JAKMIP3: variants seen among roughly 807,000 people sequenced by gnomAD.
The protein encoded by JAKMIP3 is Janus kinase and microtubule interacting protein 3.
JAKMIP3 carries 58 observed loss-of-function variants against 118.5 expected under a neutral mutation model. The ratio of observed to expected loss-of-function variants is 0.49; its 90% CI spans 0.40 to 0.61. JAKMIP3 has a LOEUF of 0.61. JAKMIP3 is among the 20% of genes least tolerant of loss of function. The probability of loss-of-function intolerance (pLI) is 0.00; values close to 1 mark genes in which losing one functional copy is unlikely to be tolerated. For missense variants in JAKMIP3, 950 were observed against 1,109.0 expected (o/e 0.86, Z 2.04); for synonymous variants, 486 against 451.2 (o/e 1.08, Z -0.98).
chr10:132,153,130 T>A, intron 17 of JAKMIP3, 107 bp downstream of exon 17: 1 of 881,666 alleles, frequency 1.1e-6, no homozygotes, highest in Non-Finnish European at 1.8e-6. Context: ...CAGGGCCGGG[T>A]TTGGGGGGTC....
At chr10:132,152,819 C>A in intron 16 of JAKMIP3, 139 bp from the exon 17 acceptor site, 1 of 637,216 alleles carries the variant, frequency 1.6e-6, no homozygotes, top group Admixed American at 2.3e-5. Flanking sequence ...AGATGTCAGT[C>A]AAAGCACTTT....
chr10:132,172,820 A>G lies in JAKMIP3; in HGVS notation c.*1103+3787A>G, dbSNP rs540453086. On this transcript the variant is annotated intron_variant, in intron 23 of 23. Transcript: ENST00000684848. ...AGTGTGCAGAAACCAAGGTCTCTGGACCTGGGTGTGCTTGTTGCTACTGGG... is the reference window on the plus strand; with the variant it reads ...AGTGTGCAGAAACCAAGGTCTCTGGGCCTGGGTGTGCTTGTTGCTACTGGG... 2.0e-5 allele frequency among the ~76,000 whole-genome samples: 3 copies of G among 151,754 alleles called. No homozygotes were observed. The South Asian group carries it at 6.2e-4, about 32-fold the overall frequency.
At chr10:132,139,483 TGTGAGA>T (rs1161343215) in intron 9 of JAKMIP3, among the ~76,000 whole-genome samples, 4 of 143,444 alleles carry the variant, frequency 2.8e-5, no homozygotes, top group African/African-American at 5.0e-5. Flanking sequence ...TGTGAGTGTG[TGTGAGA>T]GTATGTGAGT....
At chr10:132,141,878 A>G in intron 10 of JAKMIP3, 42 bp from the exon 11 acceptor site, 1 of 1,571,066 alleles carries the variant, frequency 6.4e-7, no homozygotes. Flanking sequence ...CTGGCTACTG[A>G]CACTGTGTCT....
chr10:132,163,373 C>A lies in JAKMIP3; in HGVS notation c.2385C>A (p.Ile795=), dbSNP rs1191920545. ...MSELRERDAQ[I]LRERMELLQL... is the part of the protein sequence containing the mutation. ...AGCTGCGCGAGCGGGACGCCCAGAT[C>A]CTGCGGGAGCGCATGGAGCTGCTGC... The change falls in exon 20 of 24, where the codon ATC becomes ATA. Residue 795 remains isoleucine (I), a synonymous_variant. Coordinates refer to ENST00000684848, the MANE Select transcript of JAKMIP3 (RefSeq NM_001323087.2). The A allele has an allele frequency of 6.2e-7, 1 of 1,606,982 alleles. No individual in the cohort carries two copies. The highest frequency in any genetic ancestry group is 2.2e-5 in the East Asian group (1 of 44,842).
At chr10:132,123,942 C>T (rs961141797) in intron 3 of JAKMIP3, among the ~76,000 whole-genome samples, 26 of 152,344 alleles carry the variant, frequency 1.7e-4, no homozygotes, top group African/African-American at 6.3e-4. Context: ...GAGACACCTG[C>T]TGGGGACGAG....
rs2061644389 is a variant in JAKMIP3 at position 132,183,587 on chromosome 10, T to A, written c.*2334T>A. The A allele has an allele frequency of 6.6e-6, 1 of 152,204 alleles. No homozygotes were observed. The highest frequency in any genetic ancestry group is 6.5e-5 in the Admixed American group (1 of 15,278). 9.4% of individuals were successfully genotyped at this position (152,204 alleles called of 1,614,324 possible). On this transcript the variant is annotated 3_prime_UTR_variant, in exon 24 of 24. Coordinates refer to ENST00000684848, the MANE Select transcript of JAKMIP3 (RefSeq NM_001323087.2). ...TTATGAAGTTGTAATTGTTTATATG[T>A]AAAAAGTATGTATATAGGAACGGGA...
At chr10:132,107,955 G>C (rs989381016) in intron 2 of JAKMIP3, among the ~76,000 whole-genome samples, 11 of 152,200 alleles carry the variant, frequency 7.2e-5, no homozygotes, top group African/African-American at 2.4e-4. Context: ...AACAGAGAGG[G>C]CCCTTCAGGG....
chr10:132,049,669 G>C lies in JAKMIP3; in HGVS notation c.-138+12931G>C, dbSNP rs1590004402. ...CTTGTGTTTTTTCTTTTTTAAAAGTGGGGGAGGTCTCACTATGCTGCCCAG... is the reference window on the plus strand; with the variant it reads ...CTTGTGTTTTTTCTTTTTTAAAAGTCGGGGAGGTCTCACTATGCTGCCCAG... On this transcript the variant is annotated intron_variant, in intron 1 of 23. Transcript: ENST00000657785. The surrounding 1 kb of genome is among the most constrained non-coding windows in gnomAD (Gnocchi z 4.3). 6.6e-6 allele frequency among the ~76,000 whole-genome samples: 1 copy of C among 152,016 alleles called. No homozygotes were observed. The highest frequency in any genetic ancestry group is 6.6e-5 in the Admixed American group (1 of 15,262).
chr10:132,084,089 G>C (rs2042100897), intron 1 of JAKMIP3, among the ~76,000 whole-genome samples: 1 of 152,088 alleles, frequency 6.6e-6, no homozygotes, highest in African/African-American at 2.4e-5. Context: ...GTGGTATTTT[G>C]ATGGGAATTG....
chr10:132,169,082 G>C (rs149606638), intron 23 of JAKMIP3, 49 bp downstream of exon 23: 3 of 152,950 alleles, frequency 2.0e-5, no homozygotes, highest in African/African-American at 7.2e-5. Flanking sequence ...CCCTCCCTGC[G>C]AGGTGAGCTC....
Position 132,183,689 on chromosome 10 carries a change from T to A in JAKMIP3, c.*2436T>A, listed in dbSNP as rs1370315926. The A allele has an allele frequency of 6.6e-6, 1 of 152,226 alleles. No individual in the cohort carries two copies. The highest frequency in any genetic ancestry group is 2.4e-5 in the African/African-American group (1 of 41,450). The allele number at this position is 152,226 out of a possible 1,614,324, so 9.4% of individuals were successfully genotyped here. ...CCCATTCCTGAAAGCACACATCTAG[T>A]TGGAGCGTCAGTTCCTCTCCTTAGA... On this transcript the variant is annotated 3_prime_UTR_variant, in exon 24 of 24. Coordinates refer to ENST00000684848, the MANE Select transcript of JAKMIP3 (RefSeq NM_001323087.2).
At chr10:132,050,837 C>T (rs950792292) in intron 1 of JAKMIP3, among the ~76,000 whole-genome samples, 8 of 152,220 alleles carry the variant, frequency 5.3e-5, no homozygotes, top group African/African-American at 1.9e-4. Context: ...TCCTTGCTAA[C>T]ATCTGGCATG....
intron 9 of JAKMIP3, among the ~76,000 whole-genome samples, chr10:132,138,466 G>C (rs1002357980): frequency 6.6e-6 from 1 of 151,626 alleles, no homozygotes; most frequent in Non-Finnish European, 1.5e-5. Flanking sequence ...GACCGCGCCC[G>C]CGTGTGTGGA....
At chr10:132,178,234 T>G (rs2060371235) in intron 23 of JAKMIP3, among the ~76,000 whole-genome samples, 1 of 152,246 alleles carries the variant, frequency 6.6e-6, no homozygotes, top group Non-Finnish European at 1.5e-5. Context: ...GTGAGCCACA[T>G]GGGGCTCCGC....
In JAKMIP3 at chr10:132,049,587, T is replaced by C. The variant is rs1970005; in HGVS notation, c.-138+12849T>C. 0.73 allele frequency among the ~76,000 whole-genome samples: 110,692 copies of C among 151,910 alleles called. 40,642 individuals carry two copies. The highest frequency in any genetic ancestry group is 0.79 in the African/African-American group (32,628 of 41,426). ...TCCTAAATCGGGGTGTTTTTCCATA[T>C]CCTTGAATGCTGTTTGCGTGTGCCC... is the stretch of plus-strand genomic sequence containing the variant. On this transcript the variant is annotated intron_variant, in intron 1 of 23. Coordinates refer to the JAKMIP3 transcript ENST00000657785. This position sits in a 1 kb window ranked among gnomAD's most constrained non-coding sequence, Gnocchi z 4.3.
Position 132,142,064 on chromosome 10 carries a change from A to C in JAKMIP3, c.1602+16A>C. On this transcript the variant is annotated intron_variant, in intron 11 of 23. Transcript: ENST00000684848. ...AGAAGTTAAGGTCTACGTGACTTCC[A>C]CCGCGCGTTCCGGCCCCCCTCGTGC... 1 of 1,436,500 alleles carries C rather than the reference A, an allele frequency of 7.0e-7. No homozygotes were observed. Among genetic ancestry groups the C allele is most frequent in the Non-Finnish European group, 9.2e-7 (1 of 1,088,754 alleles). The allele number at this position is 1,436,500 out of a possible 1,614,324, so 89.0% of individuals were successfully genotyped here.
Position 132,135,954 on chromosome 10 carries a change from A to G in JAKMIP3, c.994A>G (p.Ser332Gly). The G allele has an allele frequency of 6.2e-7, 1 of 1,613,262 alleles. No homozygotes were observed. The highest frequency in any genetic ancestry group is 8.5e-7 in the Non-Finnish European group (1 of 1,179,660). ...GTTGAAGCGCGTAAGAGAAGCTGAG[A>G]GTCAGTACAAGCCTCTGCTGGATAA... Reference protein sequence around the residue: ...ELLKRVREAESQYKPLLDKNK... With the variant: ...ELLKRVREAEGQYKPLLDKNK... Residue 332 changes from serine to glycine, a missense_variant, in exon 6 of 24, where the codon AGT (serine) becomes GGT (glycine). Transcript: ENST00000684848.
intron 1 of JAKMIP3, among the ~76,000 whole-genome samples, chr10:132,071,638 G>A (rs2039866144): frequency 6.6e-6 from 1 of 152,152 alleles, no homozygotes; most frequent in African/African-American, 2.4e-5. Flanking sequence ...GGTACATATA[G>A]ATTTAGGATT....
Sources: gnomAD v4.1 joint callset for allele counts (sites outside exome capture counted in the v4.1 genomes callset) on GRCh38, gnomAD v4.1.1 for gene constraint, Gnocchi (gnomAD v3.1) non-coding constraint, MANE v1.5 for transcripts, NCBI Gene and HGNC (gene_info 2026-07-23, HGNC 2026-07-21) for gene names.